Variants in NIBAN3 observed in about 807,000 individuals in gnomAD.
The protein encoded by NIBAN3 is protein Niban 3.
A neutral mutation model predicts 76.4 loss-of-function variants in NIBAN3; 66 were observed. The ratio of observed to expected loss-of-function variants is 0.86; its 90% CI spans 0.71 to 1.06. The LOEUF is 1.06. NIBAN3 is among the 50% of genes least tolerant of loss of function. The pLI, the probability that NIBAN3 is intolerant of heterozygous loss-of-function variation, is 0.00. For missense variants in NIBAN3, 808 were observed against 810.7 expected (o/e 1.00, Z 0.04); for synonymous variants, 360 against 355.2 (o/e 1.01, Z -0.15).
intron 4 of NIBAN3, among the ~76,000 whole-genome samples, chr19:17,535,322 G>A (rs532655225): frequency 2.0e-5 from 3 of 152,070 alleles, no homozygotes; most frequent in Non-Finnish European, 4.4e-5. Flanking sequence ...GGCATGTGCC[G>A]GTAGTCCCAG....
upstream of NIBAN3, among the ~76,000 whole-genome samples, chr19:17,524,467 T>C (rs1401728997): frequency 6.7e-6 from 1 of 149,084 alleles, no homozygotes; most frequent in African/African-American, 2.5e-5. Context: ...GTATTTTTAG[T>C]AGAGACAGGG....
intron 4 of NIBAN3, 22 bp downstream of exon 4, chr19:17,533,723 G>C (rs2075773696): frequency 6.4e-7 from 1 of 1,574,010 alleles, no homozygotes; most frequent in Non-Finnish European, 8.7e-7. Flanking sequence ...GGGGTTCCCA[G>C]GAACAGGTTT....
chr19:17,546,736 G>T lies in NIBAN3; in HGVS notation c.1605G>T (p.Leu535=). Residue 535 remains leucine (L), a synonymous_variant, in exon 13 of 15, where the codon CTG becomes CTT. Transcript: ENST00000599164. ...TCCTTGCCGTGGGCAGCCAGGCTCT[G>T]ACCACTGAGGGCATCTATGAGGACG... is the stretch of plus-strand genomic sequence containing the variant. The part of the protein sequence containing the change: ...GDVLAVGSQA[L]TTEGIYEDVI... The T allele has an allele frequency of 1.2e-6, 2 of 1,605,476 alleles. No homozygotes were observed. Among genetic ancestry groups the T allele is most frequent in the Non-Finnish European group, 1.7e-6 (2 of 1,176,772 alleles).
At chr19:17,547,043 G>A (rs1330618714) in intron 13 of NIBAN3, among the ~76,000 whole-genome samples, 2 of 152,082 alleles carry the variant, frequency 1.3e-5, no homozygotes, top group Non-Finnish European at 2.9e-5. Flanking sequence ...TGAGAAGAAG[G>A]AGGCAGAGTT....
rs2075924250 is a variant in NIBAN3 at position 17,540,405 on chromosome 19, A to G, written c.993A>G (p.Gly331=). The G allele has an allele frequency of 6.7e-7, 1 of 1,498,550 alleles. No homozygotes were observed. Among genetic ancestry groups the G allele is most frequent in the Non-Finnish European group, 8.9e-7 (1 of 1,119,808 alleles). The allele number at this position is 1,498,550 out of a possible 1,614,324, so 92.8% of individuals were successfully genotyped here. A position where few individuals can be genotyped will look rare whatever the true frequency, so the allele number is the denominator to read the frequency against. Residue 331 remains glycine, a synonymous_variant, in exon 9 of 15, where the codon GGA becomes GGG. Coordinates refer to ENST00000599164, the MANE Select transcript of NIBAN3 (RefSeq NM_001321827.2). ...TTCCACTCCCAGCGGATATCAGGGGACCGCTCGAGTCGTGCCTGCGCCGGG... is the reference window on the plus strand; with the variant it reads ...TTCCACTCCCAGCGGATATCAGGGGGCCGCTCGAGTCGTGCCTGCGCCGGG... ...VAGRLRTDIR[G]PLESCLRREV...
At position 17,535,745 on chromosome 19, in the gene NIBAN3, C is replaced by CAAAAAAAAAAA. The variant is rs1163900162; in HGVS notation, c.428-1624_428-1614dup. Among the ~76,000 whole-genome samples the CAAAAAAAAAAA allele has an allele frequency of 2.1e-3, 184 of 85,962 alleles. 1 individual carries two copies. The highest frequency in any genetic ancestry group is 7.6e-3 in the African/African-American group (170 of 22,460). 56.4% of individuals were successfully genotyped at this position (85,962 alleles called of 152,430 possible). On this transcript the variant is annotated intron_variant, in intron 4 of 14. Coordinates refer to ENST00000599164, the MANE Select transcript of NIBAN3 (RefSeq NM_001321827.2). Reference sequence around the variant, plus strand: ...CATGGGAGACAGAGCAAGACTCTGTCAAAAAAAAAAAAAAAAAGCCAGGTG... The same window carrying CAAAAAAAAAAA: ...CATGGGAGACAGAGCAAGACTCTGTCAAAAAAAAAAAAAAAAAAAAAAAAAAAAGCCAGGTG...
chr19:17,539,309 C>T (rs747030726), intron 6 of NIBAN3, 38 bp from the exon 7 acceptor site: 2 of 1,558,600 alleles, frequency 1.3e-6, no homozygotes, highest in African/African-American at 2.7e-5. Flanking sequence ...CAGGACCCTC[C>T]CGGCCGACCG....
chr19:17,532,530 G>C, intron 3 of NIBAN3, 142 bp downstream of exon 3: 1 of 1,389,272 alleles, frequency 7.2e-7, no homozygotes. Context: ...CTATGTGTTT[G>C]GCCTGTTGTA....
At chr19:17,547,720 T>G (rs1454866801) in intron 13 of NIBAN3, among the ~76,000 whole-genome samples, 1 of 151,134 alleles carries the variant, frequency 6.6e-6, no homozygotes, top group African/African-American at 2.4e-5. Flanking sequence ...CAGGCAGGAG[T>G]GCAATGGCAT....
intron 4 of NIBAN3, among the ~76,000 whole-genome samples, chr19:17,535,332 G>C (rs2075806416): frequency 6.6e-6 from 1 of 152,188 alleles, no homozygotes; most frequent in African/African-American, 2.4e-5. Context: ...GGTAGTCCCA[G>C]CTACTCAGAA....
rs762398809 is a variant in NIBAN3, at chr19:17,539,733, G to C, written c.947G>C (p.Arg316Pro). The C allele has an allele frequency of 6.5e-7, 1 of 1,541,344 alleles. No individual in the cohort carries two copies. The highest frequency in any genetic ancestry group is 8.7e-7 in the Non-Finnish European group (1 of 1,145,196). The change falls in exon 8 of 15, where the codon CGG (arginine) becomes CCG (proline). Residue 316 changes from arginine to proline, a missense_variant. By Grantham distance (103) the Arg-to-Pro change is moderately radical. Coordinates refer to ENST00000599164, the MANE Select transcript of NIBAN3 (RefSeq NM_001321827.2). ...CGCCCGGACGTGGACCAGCTGCTGC[G>C]GCAGCGGGCGCGTGTGGCGGGGCGG... is the stretch of plus-strand genomic sequence containing the variant. ...TIRPDVDQLL[R>P]QRARVAGRLR... is the part of the protein sequence containing the mutation.
chr19:17,528,443 G>A (rs2075649618), intron 1 of NIBAN3, among the ~76,000 whole-genome samples: 1 of 152,134 alleles, frequency 6.6e-6, no homozygotes, highest in Non-Finnish European at 1.5e-5. Flanking sequence ...ATTTAGGGCA[G>A]GGGTTCAGGT....
intron 13 of NIBAN3, among the ~76,000 whole-genome samples, chr19:17,548,112 A>G (rs888211409): frequency 6.6e-6 from 1 of 152,160 alleles, no homozygotes; most frequent in Non-Finnish European, 1.5e-5. Flanking sequence ...CTCCAGAAAC[A>G]TCTTTCTCCC....
chr19:17,524,214 A>AC (rs1393979762), upstream of NIBAN3, among the ~76,000 whole-genome samples: 1 of 148,778 alleles, frequency 6.7e-6, no homozygotes, highest in Non-Finnish European at 1.5e-5. Flanking sequence ...CATCTCCGTG[A>AC]CCCCTCCATG....
chr19:17,549,710 G>T, intron 14 of NIBAN3, 183 bp downstream of exon 14: 1 of 660,298 alleles, frequency 1.5e-6, no homozygotes, highest in Non-Finnish European at 2.8e-6. Context: ...AAGTTGTGGA[G>T]TGCATCTGAG....
intron 4 of NIBAN3, among the ~76,000 whole-genome samples, chr19:17,534,617 C>T (rs1272030110): frequency 6.6e-6 from 1 of 151,998 alleles, no homozygotes; most frequent in Non-Finnish European, 1.5e-5. Flanking sequence ...TGGTGAAACC[C>T]CATCTCTACT....
rs750370448 is a variant in NIBAN3, at chr19:17,539,359, G to A, written c.724G>A (p.Val242Met). The change falls in exon 7 of 15, where the codon GTG (valine) becomes ATG (methionine). Residue 242 changes from valine (V) to methionine (M), a missense_variant. Coordinates refer to ENST00000599164, the MANE Select transcript of NIBAN3 (RefSeq NM_001321827.2). ...LGSDAEVLTA[V>M]LMREQLPALR... ...CCCTCTCCTGCAGGTGCTGACCGCG[G>A]TGCTGATGCGGGAGCAACTTCCCGC... 55 of 1,545,392 alleles carry A rather than the reference G, an allele frequency of 3.6e-5. No homozygotes were observed. Among genetic ancestry groups the A allele is most frequent in the Middle Eastern group, 3.5e-4 (2 of 5,686 alleles).
rs1438749434 is a variant in NIBAN3 at position 17,551,944 on chromosome 19, A to G, written c.*46A>G. On this transcript the variant is annotated 3_prime_UTR_variant, in exon 15 of 15. Coordinates refer to ENST00000599164, the MANE Select transcript of NIBAN3 (RefSeq NM_001321827.2). Reference sequence around the variant, plus strand: ...TGTTTCTATTGGATAAATGTCTACAAGTGGAATTTCTGGGCCAAAACGGAT... The same window carrying G: ...TGTTTCTATTGGATAAATGTCTACAGGTGGAATTTCTGGGCCAAAACGGAT... 6.9e-6 allele frequency: 5 copies of G among 724,894 alleles called. No homozygotes were observed. In the East Asian group the frequency reaches 1.0e-4, roughly 15 times the overall value. The allele number at this position is 724,894 out of a possible 1,614,324, so 44.9% of individuals were successfully genotyped here.
chr19:17,544,581 A>C (rs1268350559), intron 12 of NIBAN3, among the ~76,000 whole-genome samples: 4 of 152,266 alleles, frequency 2.6e-5, no homozygotes, highest in African/African-American at 7.2e-5. Flanking sequence ...AGGGCATTCC[A>C]GGCAGAGGGC....
Sources: gnomAD v4.1 joint callset for allele counts (sites outside exome capture counted in the v4.1 genomes callset) on GRCh38, gnomAD v4.1.1 for gene constraint, MANE v1.5 for transcripts, NCBI Gene and HGNC (gene_info 2026-07-23, HGNC 2026-07-21) for gene names.